ANO2: variants seen among roughly 807,000 people sequenced by gnomAD.
ANO2 encodes anoctamin 2, also known as anoctamin-2.
ANO2 carries 101 observed loss-of-function variants against 124.2 expected under a neutral mutation model. The observed-to-expected ratio is 0.81, with a 90% CI of 0.69 to 0.96. ANO2 has a LOEUF of 0.96. Among genes scored for constraint, ANO2 ranks in the 40% least tolerant of loss-of-function variants. The pLI is 0.00. For synonymous variants in ANO2, 486 were observed against 482.5 expected (o/e 1.01, Z -0.09); for missense variants, 1,293 against 1,274.5 (o/e 1.01, Z -0.22).
intron 15 of ANO2, among the ~76,000 whole-genome samples, chr12:5,644,043 C>T (rs528052385): frequency 7.2e-5 from 11 of 152,152 alleles, no homozygotes; most frequent in African/African-American, 2.7e-4. Context: ...TCAAATTTAC[C>T]AGCATTTTAT....
intron 10 of ANO2, among the ~76,000 whole-genome samples, chr12:5,762,970 T>A (rs1951782976): frequency 6.6e-6 from 1 of 151,994 alleles, no homozygotes; most frequent in Admixed American, 6.5e-5. Context: ...CTAAGGTTTT[T>A]CATACAACTA....
intron 5 of ANO2, among the ~76,000 whole-genome samples, chr12:5,831,655 T>C (rs1954157586): frequency 6.6e-6 from 1 of 152,194 alleles, no homozygotes; most frequent in African/African-American, 2.4e-5. Context: ...TTCATGTGTG[T>C]AGGATAATAT....
chr12:5,774,030 C>T (rs191727469), intron 10 of ANO2, among the ~76,000 whole-genome samples: 2 of 152,334 alleles, frequency 1.3e-5, no homozygotes, highest in Non-Finnish European at 1.5e-5. Context: ...TGCTCCACAT[C>T]CTTCCAAACT....
intron 3 of ANO2, among the ~76,000 whole-genome samples, chr12:5,909,192 C>T (rs1473694225): frequency 1.3e-5 from 2 of 152,180 alleles, no homozygotes; most frequent in Admixed American, 6.5e-5. Flanking sequence ...AGAAATTAAA[C>T]ATGATTGGCC....
intron 23 of ANO2, among the ~76,000 whole-genome samples, chr12:5,570,669 G>A (rs1006884950): frequency 2.6e-5 from 4 of 152,094 alleles, no homozygotes; most frequent in African/African-American, 9.7e-5. Flanking sequence ...TGAAGTCAAC[G>A]ATCAGTAACA....
intron 3 of ANO2, among the ~76,000 whole-genome samples, chr12:5,887,401 G>A (rs67685846): frequency 0.13 from 20,411 of 152,148 alleles, 1,539 homozygotes; most frequent in Middle Eastern, 0.28. Flanking sequence ...CTCAAGAAGG[G>A]CCCCTGAGCC....
chr12:5,838,464 C>T (rs1230171966), intron 4 of ANO2, among the ~76,000 whole-genome samples: 3 of 152,168 alleles, frequency 2.0e-5, no homozygotes, highest in Non-Finnish European at 4.4e-5. Flanking sequence ...GGGGATGGAG[C>T]AGGTTCATAT....
chr12:5,809,085 C>T (rs988836409), intron 7 of ANO2, among the ~76,000 whole-genome samples: 1 of 152,152 alleles, frequency 6.6e-6, no homozygotes, highest in African/African-American at 2.4e-5. Context: ...GCACATAAAA[C>T]ATGAGAAATA....
chr12:5,705,833 G>A (rs1187781663), intron 14 of ANO2, among the ~76,000 whole-genome samples: 1 of 152,144 alleles, frequency 6.6e-6, no homozygotes, highest in African/African-American at 2.4e-5. Flanking sequence ...GCTTCAAACT[G>A]CCTCAGACTG....
chr12:5,939,548 T>C (rs1301665829), intron 1 of ANO2, among the ~76,000 whole-genome samples: 1 of 152,216 alleles, frequency 6.6e-6, no homozygotes, highest in African/African-American at 2.4e-5. Flanking sequence ...AAAGGCTCTG[T>C]TGAGCAAGGC....
At chr12:5,671,873 T>A (rs933198733) in intron 14 of ANO2, among the ~76,000 whole-genome samples, 4 of 152,212 alleles carry the variant, frequency 2.6e-5, no homozygotes, top group African/African-American at 9.7e-5. Context: ...TGTGTTAACT[T>A]TTCCTTGAGC....
chr12:5,825,053 G>A (rs781708789), intron 7 of ANO2, among the ~76,000 whole-genome samples: 2 of 152,154 alleles, frequency 1.3e-5, no homozygotes, highest in African/African-American at 4.8e-5. Flanking sequence ...GTTTTGGCAG[G>A]GGGACACAGC....
At chr12:5,818,771 T>G (rs2137195434) in intron 7 of ANO2, among the ~76,000 whole-genome samples, 1 of 152,220 alleles carries the variant, frequency 6.6e-6, no homozygotes, top group Middle Eastern at 3.4e-3. Context: ...CCTGATTCAC[T>G]GCTCATGACA....
At chr12:5,598,140 A>G (rs562006652) in intron 20 of ANO2, among the ~76,000 whole-genome samples, 2 of 152,302 alleles carry the variant, frequency 1.3e-5, no homozygotes, top group Admixed American at 1.3e-4. Flanking sequence ...AGGAATGCCC[A>G]TTAGAAATGA....
intron 4 of ANO2, among the ~76,000 whole-genome samples, chr12:5,840,458 G>C (rs892023609): frequency 6.6e-6 from 1 of 152,078 alleles, no homozygotes; most frequent in Admixed American, 6.5e-5. Context: ...GGGGAATGAA[G>C]CTGCATATAT....
intron 10 of ANO2, among the ~76,000 whole-genome samples, chr12:5,756,261 T>C (rs748919591): frequency 6.6e-6 from 1 of 152,106 alleles, no homozygotes; most frequent in Non-Finnish European, 1.5e-5. Context: ...TGACATGTTA[T>C]ACTCCTAATT....
At chr12:5,690,476 T>G (rs1025069876) in intron 14 of ANO2, among the ~76,000 whole-genome samples, 3 of 152,222 alleles carry the variant, frequency 2.0e-5, no homozygotes, top group Admixed American at 2.0e-4. Context: ...TGGCCAGCTA[T>G]GGATTCCTGA....
rs188362706 is a variant in ANO2, at chr12:5,652,544, T to C, written c.1546-4743A>G. Among the ~76,000 whole-genome samples, 382 of 152,242 alleles carry C rather than the reference T, an allele frequency of 2.5e-3. 1 individual carries two copies. Among genetic ancestry groups the C allele is most frequent in the African/African-American group, 8.9e-3 (370 of 41,548 alleles). On this transcript the variant is annotated intron_variant, in intron 14 of 24. Transcript: ENST00000682330. ...TCCCCTCCAAGAAAACACCTTATAT[T>C]TAGTTGTCATGTCCCCTTAGACTCC... is the stretch of plus-strand genomic sequence containing the variant.
intron 14 of ANO2, among the ~76,000 whole-genome samples, chr12:5,678,325 G>A (rs1285818779): frequency 2.6e-5 from 4 of 152,082 alleles, no homozygotes; most frequent in Non-Finnish European, 5.9e-5. Context: ...AATTCTGAAG[G>A]GCTGTCCAAC....
Sources: allele counts gnomAD v4.1 joint callset (sites outside exome capture counted in the v4.1 genomes callset), GRCh38; gene constraint gnomAD v4.1.1; transcripts MANE v1.5; gene names NCBI Gene and HGNC (gene_info 2026-07-23, HGNC 2026-07-21).